The following NUP205 variants were observed in gnomAD, a reference collection of about 807,000 sequenced individuals.
NUP205 encodes nucleoporin 205, also known as nuclear pore complex protein Nup205.
NUP205 carries 76 observed loss-of-function variants against 253.8 expected under a neutral mutation model. The observed-to-expected ratio is 0.30, with a 90% CI of 0.25 to 0.36. The LOEUF (loss-of-function observed/expected upper bound fraction) is 0.36, where lower values mean the gene tolerates loss of function less well. NUP205 is among the 10% of genes least tolerant of loss of function. The pLI is 1.00. For synonymous variants in NUP205, 832 were observed against 850.1 expected, an observed-to-expected ratio of 0.98 and a Z score of 0.37; for missense variants, 2,162 against 2,425.5, an observed-to-expected ratio of 0.89 and a Z score of 2.28.
chr7:135,619,919 G>A lies in NUP205; in HGVS notation c.4330+31G>A, dbSNP rs1305891560. 5 of 1,364,272 alleles carry A rather than the reference G, an allele frequency of 3.7e-6. No individual in the cohort carries two copies. In the East Asian group the frequency reaches 6.9e-5, roughly 19 times the overall value. The allele number at this position is 1,364,272 out of a possible 1,614,324, so 84.5% of individuals were successfully genotyped here. A position where few individuals can be genotyped will look rare whatever the true frequency, so the allele number is the denominator to read the frequency against. On this transcript the variant is annotated intron_variant, in intron 30 of 42. Transcript: ENST00000285968. Reference sequence around the variant, plus strand: ...ATGAGATCAATTCCTAATCTTTTCTGGATTGGGAGATGGTTACTTTAAATT... The same window carrying A: ...ATGAGATCAATTCCTAATCTTTTCTAGATTGGGAGATGGTTACTTTAAATT...
chr7:135,630,778 T>G (rs1297999838), intron 35 of NUP205, among the ~76,000 whole-genome samples: 1 of 151,978 alleles, frequency 6.6e-6, no homozygotes, highest in Non-Finnish European at 1.5e-5. Context: ...TTTTAAAAAT[T>G]AGCTGGGTGT....
chr7:135,622,707 G>T, intron 30 of NUP205, 70 bp from the exon 31 acceptor site: 3 of 1,337,630 alleles, frequency 2.2e-6, no homozygotes, highest in Non-Finnish European at 3.1e-6. Context: ...TACCTAGCAT[G>T]TGAGGTATAA....
intron 1 of NUP205, among the ~76,000 whole-genome samples, 186 bp from the exon 2 acceptor site, chr7:135,570,919 A>ATTATATATTTATATATAATATAT (rs1387387810): frequency 7.8e-5 from 8 of 102,186 alleles, no homozygotes; most frequent in Non-Finnish European, 1.7e-4. Context: ...ATATATTAAT[A>ATTATATATTTATATATAATATAT]TAATATAGTT....
intron 1 of NUP205, among the ~76,000 whole-genome samples, chr7:135,570,020 G>A (rs1327386691): frequency 7.2e-6 from 1 of 139,694 alleles, no homozygotes; most frequent in East Asian, 2.1e-4. Context: ...AGCAGATGGT[G>A]TTTATGTTTT....
chr7:135,602,703 A>T (rs1390865193), intron 17 of NUP205, 102 bp from the exon 18 acceptor site: 1 of 908,214 alleles, frequency 1.1e-6, no homozygotes, highest in Admixed American at 2.7e-5. Context: ...GAATCTCTAG[A>T]TCTGAAAATC....
In NUP205 at chr7:135,633,242, G is replaced by A. The variant is rs1342387918; in HGVS notation, c.5060-2339G>A. Among the ~76,000 whole-genome samples, 4 of 151,980 alleles carry A rather than the reference G, an allele frequency of 2.6e-5. No individual in the cohort carries two copies. In the South Asian group the frequency reaches 6.2e-4, roughly 24 times the overall value. On this transcript the variant is annotated intron_variant, in intron 35 of 42. Transcript: ENST00000285968. ...GTCTCCCAAAGTGCTGGGATTACAG[G>A]CAGGAGCCACCACGCCTGGCCTATT...
At chr7:135,637,577 C>T (rs1794832654) in intron 36 of NUP205, among the ~76,000 whole-genome samples, 3 of 152,160 alleles carry the variant, frequency 2.0e-5, no homozygotes, top group South Asian at 4.1e-4. Context: ...ACTGCCCTCT[C>T]ATTTTGCTTC....
chr7:135,580,841 T>G (rs1329058716), intron 7 of NUP205, among the ~76,000 whole-genome samples: 1 of 152,060 alleles, frequency 6.6e-6, no homozygotes, highest in African/African-American at 2.4e-5. Flanking sequence ...GGTCACAATC[T>G]TATGCTATAA....
chr7:135,584,923 A>G lies in NUP205; in HGVS notation c.1134A>G (p.Val378=). ...VFLFLMESVV[V]SEYFYQEEFY... ...TGTTCCTCATGGAATCTGTAGTGGT[A>G]TCAGAATACTTTTATCAGGAAGAAT... The change falls in exon 8 of 43, where the codon GTA becomes GTG. Residue 378 remains valine (V), a synonymous_variant. Coordinates refer to ENST00000285968, the MANE Select transcript of NUP205 (RefSeq NM_015135.3). The G allele has an allele frequency of 6.2e-7, 1 of 1,613,776 alleles. No homozygotes were observed. The highest frequency in any genetic ancestry group is 2.2e-5 in the East Asian group (1 of 44,860).
rs1350241351 is a variant in NUP205, at chr7:135,591,700, C to G, written c.1624+100C>G. 3.0e-6 allele frequency: 3 copies of G among 1,008,548 alleles called. No homozygotes were observed. In the African/African-American group the frequency reaches 4.9e-5, roughly 16 times the overall value. The allele number at this position is 1,008,548 out of a possible 1,614,324, so 62.5% of individuals were successfully genotyped here. On this transcript the variant is annotated intron_variant, in intron 11 of 42. Transcript: ENST00000285968. ...ACATTGGTGTTTGAACTAGGTTCTA[C>G]CAGAGGTATAAATTATTTTCATAAC...
At position 135,576,422 on chromosome 7, in the gene NUP205, T is replaced by C. The variant is rs761153773; in HGVS notation, c.488+8T>C. 1.2e-6 allele frequency: 2 copies of C among 1,603,132 alleles called. No homozygotes were observed. Among genetic ancestry groups the C allele is most frequent in the East Asian group, 4.5e-5 (2 of 44,776 alleles). On this transcript the variant is annotated splice_region_variant and intron_variant, in intron 4 of 42. Transcript: ENST00000285968. ...ATGGACCCTAGAACTCAGGTCTTTT[T>C]ACTTCTTGGGATTTCAGGGGTTAAT...
At chr7:135,587,054 T>C (rs1806483161) in intron 8 of NUP205, among the ~76,000 whole-genome samples, 1 of 151,446 alleles carries the variant, frequency 6.6e-6, no homozygotes, top group African/African-American at 2.4e-5. Context: ...TGTCTAGCTA[T>C]GTTTTTTTTT....
At chr7:135,633,383 G>C (rs1333171297) in intron 35 of NUP205, among the ~76,000 whole-genome samples, 1 of 152,174 alleles carries the variant, frequency 6.6e-6, no homozygotes, top group Non-Finnish European at 1.5e-5. Context: ...CCAAGTAGCT[G>C]AGAATACAGC....
At chr7:135,617,549 G>C (rs1041719921) in intron 26 of NUP205, 53 bp from the exon 27 acceptor site, 2 of 1,355,936 alleles carry the variant, frequency 1.5e-6, no homozygotes, top group African/African-American at 2.9e-5. Flanking sequence ...AGGTGTTACT[G>C]TTCTACCAGT....
In NUP205 at chr7:135,571,091, A is replaced by G; in HGVS notation, c.29-14A>G. On this transcript the variant is annotated splice_polypyrimidine_tract_variant and intron_variant, in intron 1 of 42. Coordinates refer to ENST00000285968, the MANE Select transcript of NUP205 (RefSeq NM_015135.3). ...GTTTTCTTTGACGGTGGTTTCATTT[A>G]TTTTTTCTTTAAGCTGCTAGTCTAT... 2.6e-6 allele frequency: 4 copies of G among 1,536,920 alleles called. No individual in the cohort carries two copies. Among genetic ancestry groups the G allele is most frequent in the Admixed American group, 1.9e-5 (1 of 52,074 alleles).
rs145922705 is a variant in NUP205 at position 135,647,375 on chromosome 7, G to A, written c.5887-1029G>A. ...GCTTGCTGGATATCATGAATACCACGCTCCCATCCCAATCCAGACTACATT... is the reference window on the plus strand; with the variant it reads ...GCTTGCTGGATATCATGAATACCACACTCCCATCCCAATCCAGACTACATT... On this transcript the variant is annotated intron_variant, in intron 42 of 42. Transcript: ENST00000285968. Among the ~76,000 whole-genome samples, 8 of 152,292 alleles carry A rather than the reference G, an allele frequency of 5.3e-5. No individual in the cohort carries two copies. In the East Asian group the frequency reaches 1.3e-3, roughly 26 times the overall value.
rs143071002 is a variant in NUP205 at position 135,579,794 on chromosome 7, G to A, written c.1042+879G>A. Among the ~76,000 whole-genome samples the A allele has an allele frequency of 2.9e-3, 441 of 152,096 alleles. 9 individuals carry two copies. In the East Asian group the frequency reaches 0.051, roughly 18 times the overall value. On this transcript the variant is annotated intron_variant, in intron 7 of 42. Coordinates refer to ENST00000285968, the MANE Select transcript of NUP205 (RefSeq NM_015135.3). ...TTAAGTAATTGGACTACAGGCACACGCCACCACACCCGGCTAATCTTTTGT... is the reference window on the plus strand; with the variant it reads ...TTAAGTAATTGGACTACAGGCACACACCACCACACCCGGCTAATCTTTTGT...
At chr7:135,604,149 A>T (rs779292333) in intron 18 of NUP205, among the ~76,000 whole-genome samples, 191 bp from the exon 19 acceptor site, 1 of 152,182 alleles carries the variant, frequency 6.6e-6, no homozygotes, top group Non-Finnish European at 1.5e-5. Context: ...ACTTCACATA[A>T]GGATTTTGGG....
rs1024582768 is a variant in NUP205, at chr7:135,604,433, G to A, written c.2796G>A (p.Lys932=). 4.0e-5 allele frequency: 65 copies of A among 1,606,690 alleles called. No individual in the cohort carries two copies. The highest frequency in any genetic ancestry group is 5.3e-5 in the Non-Finnish European group (62 of 1,178,264). Residue 932 remains lysine, a synonymous_variant, in exon 19 of 43, where the codon AAG becomes AAA. Transcript: ENST00000285968. ...CTTGCAACTCTAATATTCAGATAAA[G>A]TTGGTTGGAGATTTCACACATGACC... ...CISCNSNIQI[K]LVGDFTHDQS...
Sources: allele counts gnomAD v4.1 joint callset (sites outside exome capture counted in the v4.1 genomes callset), GRCh38; gene constraint gnomAD v4.1.1; transcripts MANE v1.5; gene names NCBI Gene and HGNC (gene_info 2026-07-23, HGNC 2026-07-21).